Variants in PRKDC observed in about 807,000 individuals in gnomAD.
PRKDC encodes the protein protein kinase, DNA-activated, catalytic subunit.
PRKDC carries 82 observed loss-of-function variants against 486.9 expected under a neutral mutation model. The ratio of observed to expected loss-of-function variants is 0.17; its 90% CI spans 0.14 to 0.20. The LOEUF is 0.20. PRKDC is among the 10% of genes least tolerant of loss of function. The pLI is 1.00. For missense variants in PRKDC, 4,504 were observed against 5,038.2 expected (o/e 0.89, Z 3.21); for synonymous variants, 1,895 against 1,837.0 (o/e 1.03, Z -0.81).
At chr8:47,822,423 T>G (rs980766722) in intron 64 of PRKDC, among the ~76,000 whole-genome samples, 2 of 152,190 alleles carry the variant, frequency 1.3e-5, no homozygotes, top group African/African-American at 4.8e-5. Flanking sequence ...CTGGGGGTTA[T>G]TTACCACGTA....
At chr8:47,882,247 A>C in intron 36 of PRKDC, 150 bp from the exon 37 acceptor site, 2 of 775,726 alleles carry the variant, frequency 2.6e-6, no homozygotes, top group Non-Finnish European at 4.0e-6. Context: ...CTCGAGTTTG[A>C]TTTGAGGTAC....
At chr8:47,780,882 G>A (rs1323242229) in intron 80 of PRKDC, among the ~76,000 whole-genome samples, 1 of 152,064 alleles carries the variant, frequency 6.6e-6, no homozygotes, top group Non-Finnish European at 1.5e-5. Flanking sequence ...AGACCACAGT[G>A]AGCCGAGATC....
At chr8:47,846,458 G>T (rs1427886567) in intron 54 of PRKDC, among the ~76,000 whole-genome samples, 1 of 150,808 alleles carries the variant, frequency 6.6e-6, no homozygotes, top group East Asian at 1.9e-4. Flanking sequence ...CAACATCCTT[G>T]CATGATAAAA....
chr8:47,947,160 G>A (rs1358194300), intron 7 of PRKDC, among the ~76,000 whole-genome samples: 4 of 152,170 alleles, frequency 2.6e-5, no homozygotes, highest in African/African-American at 9.7e-5. Flanking sequence ...GGCCGAGCAT[G>A]GGGCCAGGTG....
intron 69 of PRKDC, among the ~76,000 whole-genome samples, chr8:47,803,933 C>CAAAAAAAAAA (rs58802347): frequency 7.1e-6 from 1 of 141,540 alleles, no homozygotes. Context: ...AGCAAGTCTC[C>CAAAAAAAAAA]AAAAAAAAAA....
At chr8:47,891,088 A>G (rs1373422777) in intron 31 of PRKDC, among the ~76,000 whole-genome samples, 1 of 152,132 alleles carries the variant, frequency 6.6e-6, no homozygotes, top group African/African-American at 2.4e-5. Flanking sequence ...AACACCCTGG[A>G]GCTTGTTCTC....
At chr8:47,911,278 C>T (rs962040025) in intron 25 of PRKDC, among the ~76,000 whole-genome samples, 2 of 152,192 alleles carry the variant, frequency 1.3e-5, no homozygotes, top group African/African-American at 4.8e-5. Flanking sequence ...CTGACCACTC[C>T]CAGAAACAGG....
chr8:47,935,769 T>C lies in PRKDC; in HGVS notation c.1410A>G (p.Ala470=). ...TGCAATTCCTGAGAACTGGCCCTTT[T>C]GCTGCCAAAGCTAGGAACACCTTCA... ...AIVKVFLALA[A]KGPVLRNCIS... Residue 470 remains alanine (A), a synonymous_variant, in exon 13 of 86, where the codon GCA becomes GCG. Coordinates refer to ENST00000314191, the MANE Select transcript of PRKDC (RefSeq NM_006904.7). The C allele has an allele frequency of 1.2e-6, 2 of 1,613,950 alleles. No individual in the cohort carries two copies. Among genetic ancestry groups the C allele is most frequent in the East Asian group, 2.2e-5 (1 of 44,878 alleles).
At chr8:47,954,548 T>A (rs1419999271) in intron 4 of PRKDC, 102 bp from the exon 5 acceptor site, 3 of 434,358 alleles carry the variant, frequency 6.9e-6, no homozygotes, top group African/African-American at 6.1e-5. Flanking sequence ...ACGGGATTCC[T>A]CTATCTCAGT....
intron 68 of PRKDC, among the ~76,000 whole-genome samples, chr8:47,816,903 C>A: frequency 6.6e-6 from 1 of 151,782 alleles, no homozygotes; most frequent in East Asian, 1.9e-4. Context: ...CTATTTCCTA[C>A]ACACATTTGT....
chr8:47,896,993 T>C (rs1050215954), intron 30 of PRKDC, among the ~76,000 whole-genome samples, 168 bp downstream of exon 30: 10 of 152,240 alleles, frequency 6.6e-5, no homozygotes, highest in Non-Finnish European at 1.5e-5. Context: ...TTCTTATTAA[T>C]CACATGCTGA....
chr8:47,939,776 G>A (rs2090412316), intron 10 of PRKDC, 79 bp from the exon 11 acceptor site: 15 of 1,196,528 alleles, frequency 1.3e-5, no homozygotes, highest in Non-Finnish European at 1.5e-5. Context: ...AACTAGAACT[G>A]TTTAGATGCT....
Position 47,821,590 on chromosome 8 carries a change from A to G in PRKDC, c.9111+14T>C, listed in dbSNP as rs1309494926. ...AAAATAATTATTTCAATCACTTAAAATAATTTTACCCACCTGATAAAATGG... is the reference window on the plus strand; with the variant it reads ...AAAATAATTATTTCAATCACTTAAAGTAATTTTACCCACCTGATAAAATGG... On this transcript the variant is annotated intron_variant, in intron 65 of 85. Coordinates refer to ENST00000314191, the MANE Select transcript of PRKDC (RefSeq NM_006904.7). 4 of 1,575,378 alleles carry G rather than the reference A, an allele frequency of 2.5e-6. No homozygotes were observed. Among genetic ancestry groups the G allele is most frequent in the African/African-American group, 2.7e-5 (2 of 73,876 alleles).
chr8:47,906,814 A>G (rs1026681649), intron 25 of PRKDC, among the ~76,000 whole-genome samples: 6 of 151,374 alleles, frequency 4.0e-5, no homozygotes, highest in East Asian at 3.8e-4. Flanking sequence ...ACTGTAGTTA[A>G]TATCACCTCA....
Position 47,859,663 on chromosome 8 carries a change from T to C in PRKDC, c.6155A>G (p.Tyr2052Cys), listed in dbSNP as rs772776237. 9 of 1,613,834 alleles carry C rather than the reference T, an allele frequency of 5.6e-6. No homozygotes were observed. The South Asian group carries it at 7.7e-5, about 14-fold the overall frequency. Reference protein sequence around the residue: ...QFDFSTGVQSYSYSSQDPRPA... With the variant: ...QFDFSTGVQSCSYSSQDPRPA... The stretch of plus-strand genomic sequence containing the variant: ...TCTAGGGTCTTGGGAGCTGTATGAA[T>C]AGCTCTGAACTCCGGTTGAGAAATC... The change falls in exon 46 of 86, where the codon TAT (tyrosine) becomes TGT (cysteine). Residue 2052 changes from tyrosine (Y) to cysteine (C), a missense_variant. Physicochemically the swap from Tyr to Cys is radical, Grantham distance 194 (BLOSUM62 -2). Transcript: ENST00000314191.
intron 75 of PRKDC, 40 bp from the exon 76 acceptor site, chr8:47,789,089 G>A: frequency 6.2e-7 from 1 of 1,612,412 alleles, no homozygotes; most frequent in Non-Finnish European, 8.5e-7. Flanking sequence ...AATCAAGCTA[G>A]ATTGCAATTA....
intron 12 of PRKDC, 32 bp from the exon 13 acceptor site, chr8:47,935,932 G>A (rs770764503): frequency 5.0e-6 from 8 of 1,585,018 alleles, no homozygotes; most frequent in Middle Eastern, 1.7e-4. Flanking sequence ...CCGTGAGTTA[G>A]AGGAGGTAAT....
Position 47,930,661 on chromosome 8 carries a change from T to G in PRKDC, c.1892+11A>C. On this transcript the variant is annotated intron_variant, in intron 17 of 85. Coordinates refer to ENST00000314191, the MANE Select transcript of PRKDC (RefSeq NM_006904.7). ...TTTTCATTCTTAAATAATTAGAATT[T>G]TACCAAATACCTGCAAAATTCCACC... 2 of 1,548,102 alleles carry G rather than the reference T, an allele frequency of 1.3e-6. No individual in the cohort carries two copies. Among genetic ancestry groups the G allele is most frequent in the South Asian group, 1.2e-5 (1 of 82,540 alleles).
Position 47,803,358 on chromosome 8 carries a change from G to T in PRKDC, c.9870C>A (p.Ser3290=), listed in dbSNP as rs759540759. ...YCRLSHCRSR[S]QGCSEQVLTV... is the part of the protein sequence containing the mutation. ...TGAGCACCTGCTCAGAGCAGCCCTG[G>T]GACCGGCTCCGGCAGTGGCTCAGGC... The change falls in exon 70 of 86, where the codon TCC becomes TCA. Residue 3290 remains serine (S), a synonymous_variant. Coordinates refer to ENST00000314191, the MANE Select transcript of PRKDC (RefSeq NM_006904.7). The T allele has an allele frequency of 6.2e-7, 1 of 1,614,008 alleles. No homozygotes were observed. Among genetic ancestry groups the T allele is most frequent in the Admixed American group, 1.7e-5 (1 of 60,010 alleles).
Sources: allele counts gnomAD v4.1 joint callset (sites outside exome capture counted in the v4.1 genomes callset), GRCh38; gene constraint gnomAD v4.1.1; transcripts MANE v1.5; gene names NCBI Gene and HGNC (gene_info 2026-07-23, HGNC 2026-07-21).